The following TRAF3IP3 variants were observed in gnomAD, a reference collection of about 807,000 sequenced individuals.
TRAF3IP3 encodes the protein TRAF3-interacting JNK-activating modulator.
TRAF3IP3 carries 64 observed loss-of-function variants against 86.5 expected under a neutral mutation model. That is an observed-to-expected ratio of 0.74 (90% CI 0.60 to 0.91). TRAF3IP3 has a LOEUF of 0.91. Ranked by LOEUF, TRAF3IP3 falls within the 40% of genes least tolerant of loss-of-function variation. The pLI, the probability that TRAF3IP3 is intolerant of heterozygous loss-of-function variation, is 0.00. For synonymous variants in TRAF3IP3, 220 were observed against 243.9 expected (o/e 0.90, Z 0.91); for missense variants, 579 against 642.9 (o/e 0.90, Z 1.07).
rs748858980 is a variant in TRAF3IP3, at chr1:209,775,365, G to A, written c.791G>A (p.Gly264Glu). 1.1e-5 allele frequency: 18 copies of A among 1,612,886 alleles called. No individual in the cohort carries two copies. Among genetic ancestry groups the A allele is most frequent in the Non-Finnish European group, 1.4e-5 (17 of 1,179,390 alleles). ...AATTTACAGAAATACTCCCCTTGGGGAATGAAAAAAGTACTACTGGAGATG... is the reference window on the plus strand; with the variant it reads ...AATTTACAGAAATACTCCCCTTGGGAAATGAAAAAAGTACTACTGGAGATG... ...YTCTQKYSPW[G>E]MKKVLLEMED... The change falls in exon 10 of 17, where the codon GGA (glycine) becomes GAA (glutamate). Residue 264 changes from glycine (G) to glutamate (E), a missense_variant. Transcript: ENST00000367025.
At position 209,762,528 on chromosome 1, in the gene TRAF3IP3, G is replaced by A. The variant is rs1297438429; in HGVS notation, c.359G>A (p.Ser120Asn). 6.8e-7 allele frequency: 1 copy of A among 1,469,316 alleles called. No homozygotes were observed. The allele number at this position is 1,469,316 out of a possible 1,614,324, so 91.0% of individuals were successfully genotyped here. The change falls in exon 4 of 17, where the codon AGC (serine) becomes AAC (asparagine). Residue 120 changes from serine (S) to asparagine (N), a missense_variant. By Grantham distance (46) the Ser-to-Asn change is conservative (BLOSUM62 1). Transcript: ENST00000367025. The part of the protein sequence containing the change: ...SSPREQVTGT[S>N]SEVFPAQHPP... ...CTTGCCTTCCAGGTGACAGGCACCA[G>A]CTCTGAAGTCTTTCCAGCCCAGCAT...
In TRAF3IP3 at chr1:209,765,189, G is replaced by C. The variant is rs1168476476; in HGVS notation, c.702+1602G>C. Among the ~76,000 whole-genome samples the C allele has an allele frequency of 3.5e-3, 117 of 33,438 alleles. 1 individual carries two copies. Among genetic ancestry groups the C allele is most frequent in the African/African-American group, 0.03 (110 of 3,660 alleles). 21.9% of individuals were successfully genotyped at this position (33,438 alleles called of 152,430 possible). A position where few individuals can be genotyped will look rare whatever the true frequency, so the allele number is the denominator to read the frequency against. On this transcript the variant is annotated intron_variant, in intron 8 of 16. Transcript: ENST00000367025. The stretch of plus-strand genomic sequence containing the variant: ...GACTCTGAGAGACAGGAGAGAGAGA[G>C]AGAGAGAGAGAGAGAGAGAGAGAGG...
At chr1:209,765,475 G>A (rs964950665) in intron 8 of TRAF3IP3, among the ~76,000 whole-genome samples, 1 of 152,052 alleles carries the variant, frequency 6.6e-6, no homozygotes, top group Admixed American at 6.5e-5. Flanking sequence ...AGACCAGCCT[G>A]GGCAACATGG....
In TRAF3IP3 at chr1:209,780,460, G is replaced by T. The variant is rs769802646; in HGVS notation, c.1313-10G>T. The T allele has an allele frequency of 3.2e-6, 5 of 1,546,548 alleles. No homozygotes were observed. The South Asian group carries it at 4.8e-5, about 15-fold the overall frequency. On this transcript the variant is annotated splice_polypyrimidine_tract_variant and intron_variant, in intron 14 of 16. Coordinates refer to ENST00000367025, the MANE Select transcript of TRAF3IP3 (RefSeq NM_025228.4). ...CCTCACTGTCACCAAGAATCTGGCT[G>T]CTTTTTTAGATCAGGCTTTGCCCGT...
intron 8 of TRAF3IP3, among the ~76,000 whole-genome samples, chr1:209,764,709 A>G (rs889323766): frequency 1.4e-5 from 2 of 147,294 alleles, no homozygotes; most frequent in African/African-American, 2.6e-5. Flanking sequence ...ACCTCATTGC[A>G]CTCCAGCCTG....
At chr1:209,781,657 A>G (rs1230176444) in intron 16 of TRAF3IP3, 199 bp downstream of exon 16, 2 of 513,646 alleles carry the variant, frequency 3.9e-6, no homozygotes, top group Non-Finnish European at 7.0e-6. Context: ...CTTTCACAGA[A>G]CTCTCAATGC....
intron 9 of TRAF3IP3, among the ~76,000 whole-genome samples, chr1:209,773,574 T>A (rs890409880): frequency 3.9e-4 from 60 of 152,228 alleles, no homozygotes; most frequent in African/African-American, 1.3e-3. Flanking sequence ...AGAAATCAGC[T>A]TTCACATTTG....
chr1:209,775,550 A>G (rs1429974067), intron 10 of TRAF3IP3, 49 bp from the exon 11 acceptor site: 20 of 1,614,052 alleles, frequency 1.2e-5, no homozygotes, highest in Non-Finnish European at 1.7e-5. Context: ...GAACAAGGGG[A>G]GCCAGCTGCA....
chr1:209,763,666 A>C (rs1210973133), intron 8 of TRAF3IP3, 79 bp downstream of exon 8: 1 of 1,193,976 alleles, frequency 8.4e-7, no homozygotes, highest in East Asian at 2.5e-5. Flanking sequence ...ACATCATCAC[A>C]GTAAGAGAAG....
intron 8 of TRAF3IP3, among the ~76,000 whole-genome samples, chr1:209,771,522 T>A (rs2077525260): frequency 6.9e-6 from 1 of 144,942 alleles, no homozygotes; most frequent in African/African-American, 2.6e-5. Flanking sequence ...AAGGTGTGTG[T>A]GTGCAGGTGG....
intron 13 of TRAF3IP3, chr1:209,779,017 A>G (rs1571964991): frequency 4.7e-6 from 2 of 425,870 alleles, no homozygotes; most frequent in South Asian, 2.6e-5. Flanking sequence ...TGTCTTTCCC[A>G]TGAACATATC....
Position 209,765,227 on chromosome 1 carries a change from G to GGAAGGA in TRAF3IP3, c.702+1640_702+1641insGAAGGA, listed in dbSNP as rs2077327916. Among the ~76,000 whole-genome samples the GGAAGGA allele has an allele frequency of 3.6e-4, 21 of 58,174 alleles. No individual in the cohort carries two copies. The South Asian group carries it at 4.9e-3, about 14-fold the overall frequency. 38.2% of individuals were successfully genotyped at this position (58,174 alleles called of 152,430 possible). ...AGAGAGAGAGAGGGAGAGAGAGAGA[G>GGAAGGA]AGGAAGGAAGGAAGGAAGGAAGGAA... is the stretch of plus-strand genomic sequence containing the variant. On this transcript the variant is annotated intron_variant, in intron 8 of 16. Coordinates refer to ENST00000367025, the MANE Select transcript of TRAF3IP3 (RefSeq NM_025228.4).
chr1:209,768,788 C>CTGTA, intron 8 of TRAF3IP3: 1 of 707,878 alleles, frequency 1.4e-6, no homozygotes, highest in East Asian at 1.3e-4. Flanking sequence ...TTCCCACATA[C>CTGTA]TGTAACACTG....
chr1:209,773,134 A>C lies in TRAF3IP3; in HGVS notation c.774+115A>C, dbSNP rs2077581296. The C allele has an allele frequency of 3.5e-6, 3 of 863,134 alleles. No individual in the cohort carries two copies. In the Admixed American group the frequency reaches 9.1e-5, roughly 26 times the overall value. The allele number at this position is 863,134 out of a possible 1,614,324, so 53.5% of individuals were successfully genotyped here. On this transcript the variant is annotated intron_variant, in intron 9 of 16. Transcript: ENST00000367025. ...CCACCAGATAGAGAATAACACACCC[A>C]TTCCTACTTACCCATTTCTGGCTTG...
intron 1 of TRAF3IP3, among the ~76,000 whole-genome samples, chr1:209,757,350 C>T (rs1454319416): frequency 6.6e-6 from 1 of 152,170 alleles, no homozygotes; most frequent in Non-Finnish European, 1.5e-5. Context: ...TTCCTCTTCG[C>T]GGCAAGAAGG....
intron 3 of TRAF3IP3, among the ~76,000 whole-genome samples, chr1:209,761,271 C>T (rs1297552547): frequency 6.6e-6 from 1 of 152,236 alleles, no homozygotes; most frequent in Admixed American, 6.5e-5. Context: ...CCTCTGCTGT[C>T]TATGGGCCTT....
intron 13 of TRAF3IP3, 36 bp downstream of exon 13, chr1:209,778,209 G>A (rs372820010): frequency 6.3e-7 from 1 of 1,598,222 alleles, no homozygotes; most frequent in Non-Finnish European, 8.6e-7. Context: ...AGTCCACAGG[G>A]TTTTCCTGGG....
intron 8 of TRAF3IP3, 29 bp downstream of exon 8, chr1:209,763,616 AG>A (rs2077287590): frequency 2.6e-6 from 4 of 1,547,862 alleles, no homozygotes; most frequent in African/African-American, 1.8e-5. Context: ...TTTTGAACAA[AG>A]CTTGGGCTTC....
intron 8 of TRAF3IP3, among the ~76,000 whole-genome samples, chr1:209,764,417 G>A (rs984981344): frequency 6.6e-6 from 1 of 152,192 alleles, no homozygotes; most frequent in Non-Finnish European, 1.5e-5. Flanking sequence ...ATGGAAGAAG[G>A]AATAGTATTT....
Sources: gnomAD v4.1 joint callset for allele counts (sites outside exome capture counted in the v4.1 genomes callset) on GRCh38, gnomAD v4.1.1 for gene constraint, MANE v1.5 for transcripts, NCBI Gene and HGNC (gene_info 2026-07-23, HGNC 2026-07-21) for gene names.